The following SLC60A2 variants were observed in gnomAD, a reference collection of about 807,000 sequenced individuals.
SLC60A2 encodes the protein solute carrier family 60 member 2, also known as major facilitator superfamily domain containing 4B.
the SLC60A2 span, among the ~76,000 whole-genome samples, chr6:111,261,682 A>G: frequency 0.55 from 83,061 of 151,698 alleles, 26,110 homozygotes; most frequent in Non-Finnish European, 0.72. Context: ...CAACCTCCGC[A>G]TCCCGTGTTC....
At chr6:111,265,432 A>G in the SLC60A2 span, 3 of 980,578 alleles carry the variant, frequency 3.1e-6, no homozygotes, top group Non-Finnish European at 3.6e-6. Context: ...TCTGTTACAT[A>G]CATAAGTAAG....
chr6:111,264,966 G>A, the SLC60A2 span, among the ~76,000 whole-genome samples: 32 of 152,022 alleles, frequency 2.1e-4, no homozygotes, highest in Admixed American at 4.6e-4. Context: ...GGTGGCGCGT[G>A]CCTGTAATCC....
the SLC60A2 span, chr6:111,270,104 C>T: frequency 6.6e-6 from 1 of 152,278 alleles, no homozygotes; most frequent in Non-Finnish European, 1.5e-5. Context: ...CGAGAGGCCT[C>T]CCACAGTTCT....
At chr6:111,275,172 G>C in the SLC60A2 span, among the ~76,000 whole-genome samples, 2 of 151,178 alleles carry the variant, frequency 1.3e-5, no homozygotes, top group Non-Finnish European at 2.9e-5. Context: ...TTCCACCTCA[G>C]CTAGGATTAC....
the SLC60A2 span, chr6:111,263,891 A>T: frequency 8.1e-6 from 13 of 1,612,470 alleles, no homozygotes; most frequent in Admixed American, 6.7e-5. Context: ...AGACAGCAAT[A>T]TTACTCACTG....
At chr6:111,260,488 C>G in the SLC60A2 span, among the ~76,000 whole-genome samples, 2 of 152,190 alleles carry the variant, frequency 1.3e-5, no homozygotes, top group East Asian at 3.8e-4. Flanking sequence ...TGCCCACCAT[C>G]CTATTTATTA....
chr6:111,259,559 C>T, the SLC60A2 span: 1 of 791,916 alleles, frequency 1.3e-6, no homozygotes, highest in East Asian at 3.0e-5. Flanking sequence ...AGGTGGAGCT[C>T]CGTGGGGCCG....
the SLC60A2 span, among the ~76,000 whole-genome samples, chr6:111,277,438 G>A: frequency 2.0e-5 from 3 of 152,184 alleles, no homozygotes; most frequent in Non-Finnish European, 2.9e-5. Flanking sequence ...TATTATTACA[G>A]TTCTCATCTG....
chr6:111,265,409 C>A, the SLC60A2 span: 4 of 984,856 alleles, frequency 4.1e-6, no homozygotes, highest in Non-Finnish European at 4.8e-6. Flanking sequence ...GGTTCCTGGA[C>A]GTGTGTTTTG....
chr6:111,263,815 T>C, the SLC60A2 span: 12 of 1,432,958 alleles, frequency 8.4e-6, no homozygotes, highest in Non-Finnish European at 1.1e-5. Context: ...TATAGCTGAG[T>C]TTCTACCTTC....
chr6:111,262,417 T>C, the SLC60A2 span: 1 of 1,611,774 alleles, frequency 6.2e-7, no homozygotes. Flanking sequence ...AATTATTTTT[T>C]ACTTTTGGGT....
chr6:111,262,179 A>G, the SLC60A2 span: 2 of 1,168,872 alleles, frequency 1.7e-6, no homozygotes, highest in Non-Finnish European at 2.4e-6. Context: ...CTTTTTTTTT[A>G]TAGTGGAAGA....
the SLC60A2 span, among the ~76,000 whole-genome samples, chr6:111,279,616 T>G: frequency 1.3e-5 from 2 of 152,302 alleles, no homozygotes; most frequent in South Asian, 4.1e-4. Flanking sequence ...CACTGCTGCT[T>G]GGTCCAGTGC....
chr6:111,266,215 C>T, the SLC60A2 span: 1 of 1,613,868 alleles, frequency 6.2e-7, no homozygotes, highest in Non-Finnish European at 8.5e-7. Context: ...AGAGCATCTG[C>T]TGAGACATTT....
the SLC60A2 span, among the ~76,000 whole-genome samples, chr6:111,272,802 G>A: frequency 4.6e-5 from 7 of 150,982 alleles, no homozygotes; most frequent in East Asian, 3.9e-4. Context: ...GTGAGCCACC[G>A]CACCCGATCT....
the SLC60A2 span, among the ~76,000 whole-genome samples, chr6:111,279,020 C>A: frequency 6.6e-6 from 1 of 152,180 alleles, no homozygotes; most frequent in Non-Finnish European, 1.5e-5. Flanking sequence ...TGATGCCCAG[C>A]ATTTTAACTT....
At chr6:111,273,304 C>T in the SLC60A2 span, among the ~76,000 whole-genome samples, 1 of 151,916 alleles carries the variant, frequency 6.6e-6, no homozygotes. Context: ...TGTCACTATG[C>T]TTATTATTAT....
chr6:111,266,976 A>G, the SLC60A2 span: 17 of 1,614,216 alleles, frequency 1.1e-5, no homozygotes, highest in Admixed American at 1.7e-5. Flanking sequence ...AGAGACATCT[A>G]GAAGTAGTCT....
chr6:111,267,310 A>C, the SLC60A2 span: 2 of 551,388 alleles, frequency 3.6e-6, no homozygotes, highest in Admixed American at 3.4e-5. Flanking sequence ...AAATGGTCTC[A>C]TACACGTACA....
Sources: allele counts gnomAD v4.1 joint callset (sites outside exome capture counted in the v4.1 genomes callset), GRCh38; gene constraint gnomAD v4.1.1; transcripts MANE v1.5; gene names NCBI Gene and HGNC (gene_info 2026-07-23, HGNC 2026-07-21).